NCKAP5: variants seen among roughly 807,000 people sequenced by gnomAD.
NCKAP5 encodes the protein NCK associated protein 5.
Under a neutral mutation model 167.0 loss-of-function variants are expected in NCKAP5, and 92 were observed. That is an observed-to-expected ratio of 0.55 (90% CI 0.47 to 0.66). The LOEUF (loss-of-function observed/expected upper bound fraction) is 0.66. Ranked by LOEUF, NCKAP5 falls within the 30% of genes least tolerant of loss-of-function variation. The probability of loss-of-function intolerance (pLI) is 0.00; values close to 1 mark genes in which losing one functional copy is unlikely to be tolerated. For missense variants in NCKAP5, 2,378 were observed against 2,315.0 expected, an observed-to-expected ratio of 1.03 and a Z score of -0.56; for synonymous variants, 891 against 877.4, an observed-to-expected ratio of 1.02 and a Z score of -0.27.
chr2:133,545,313 T>C (rs1279185736), intron 2 of NCKAP5, among the ~76,000 whole-genome samples: 1 of 152,150 alleles, frequency 6.6e-6, no homozygotes, highest in Non-Finnish European at 1.5e-5. Context: ...AACAGCCAAG[T>C]TGGGTGACCA....
At chr2:133,553,259 C>T (rs755640547) in intron 2 of NCKAP5, among the ~76,000 whole-genome samples, 1 of 152,198 alleles carries the variant, frequency 6.6e-6, no homozygotes, top group Non-Finnish European at 1.5e-5. Context: ...GTAAATCGCA[C>T]TGGGCGCTCT....
chr2:133,241,691 AG>A (rs1380073424), intron 4 of NCKAP5, among the ~76,000 whole-genome samples: 2 of 152,168 alleles, frequency 1.3e-5, no homozygotes, highest in African/African-American at 2.4e-5. Flanking sequence ...TGGCATCTGC[AG>A]GGGGACAAGC....
At chr2:133,310,635 C>A (rs1681166318) in intron 3 of NCKAP5, among the ~76,000 whole-genome samples, 1 of 152,202 alleles carries the variant, frequency 6.6e-6, no homozygotes, top group Admixed American at 6.5e-5. Flanking sequence ...GTGAGTCTGG[C>A]TATTTCCCAA....
At chr2:133,500,996 T>C (rs570787902) in intron 3 of NCKAP5, among the ~76,000 whole-genome samples, 1 of 152,326 alleles carries the variant, frequency 6.6e-6, no homozygotes, top group African/African-American at 2.4e-5. Context: ...CCTTCTTCGT[T>C]AGTATTCCCT....
At chr2:133,508,299 T>C (rs1683195870) in intron 3 of NCKAP5, among the ~76,000 whole-genome samples, 1 of 152,198 alleles carries the variant, frequency 6.6e-6, no homozygotes, top group Admixed American at 6.5e-5. Context: ...GACCAATTTA[T>C]TGGAGGAAGA....
At chr2:132,756,108 C>A (rs897735809) in intron 16 of NCKAP5, among the ~76,000 whole-genome samples, 2 of 152,082 alleles carry the variant, frequency 1.3e-5, no homozygotes, top group East Asian at 1.9e-4. Context: ...ACCATAGCAC[C>A]CAGGCTGTGA....
the NCKAP5 span, among the ~76,000 whole-genome samples, chr2:133,640,131 G>A: frequency 6.6e-6 from 1 of 152,274 alleles, no homozygotes; most frequent in African/African-American, 2.4e-5. Context: ...TTGTACCATT[G>A]GATATTTGAA....
At chr2:132,922,165 G>A (rs2149009528) in intron 8 of NCKAP5, among the ~76,000 whole-genome samples, 1 of 152,270 alleles carries the variant, frequency 6.6e-6, no homozygotes, top group African/African-American at 2.4e-5. Flanking sequence ...GTGTGAGTTA[G>A]GTTTTCTGCC....
chr2:133,158,540 C>T (rs1038433717), intron 5 of NCKAP5, among the ~76,000 whole-genome samples: 3 of 152,086 alleles, frequency 2.0e-5, no homozygotes, highest in Non-Finnish European at 2.9e-5. Context: ...TAAGGGGCTA[C>T]CTACTCTAAG....
At chr2:133,088,171 T>C (rs1277917709) in intron 6 of NCKAP5, among the ~76,000 whole-genome samples, 2 of 152,222 alleles carry the variant, frequency 1.3e-5, no homozygotes, top group Non-Finnish European at 2.9e-5. Context: ...ACCGATCTGA[T>C]GTGTAAGAAT....
the NCKAP5 span, among the ~76,000 whole-genome samples, chr2:133,615,603 A>C: frequency 8.1e-4 from 123 of 152,376 alleles, no homozygotes; most frequent in African/African-American, 2.9e-3. Flanking sequence ...AGAGCTAACT[A>C]TCCTAAATAT....
intron 6 of NCKAP5, among the ~76,000 whole-genome samples, chr2:133,127,100 C>A (rs2082427924): frequency 6.6e-6 from 1 of 152,098 alleles, no homozygotes; most frequent in South Asian, 2.1e-4. Context: ...TCTAATTCAA[C>A]AGAATAATTT....
At chr2:132,971,337 C>A (rs1255906992) in intron 7 of NCKAP5, among the ~76,000 whole-genome samples, 1 of 152,062 alleles carries the variant, frequency 6.6e-6, no homozygotes, top group African/African-American at 2.4e-5. Flanking sequence ...GAGGGGAGGG[C>A]AACTGAGAAG....
At chr2:133,326,409 A>G (rs6724865) in intron 3 of NCKAP5, among the ~76,000 whole-genome samples, 45,413 of 148,000 alleles carry the variant, frequency 0.31, 7,373 homozygotes, top group African/African-American at 0.41. Flanking sequence ...AGCCGAGTTC[A>G]CACCACTACT....
the NCKAP5 span, among the ~76,000 whole-genome samples, chr2:133,596,775 A>G: frequency 8.0e-6 from 1 of 124,604 alleles, no homozygotes. Context: ...TGTTATGAAA[A>G]ATAAACACAT....
chr2:133,318,040 C>G (rs1245781898), intron 3 of NCKAP5, among the ~76,000 whole-genome samples: 3 of 152,168 alleles, frequency 2.0e-5, no homozygotes, highest in Non-Finnish European at 4.4e-5. Flanking sequence ...AAAAGGGAAA[C>G]AGTGGGAAAA....
chr2:133,071,079 A>T (rs1185281298), intron 6 of NCKAP5, among the ~76,000 whole-genome samples: 1 of 152,200 alleles, frequency 6.6e-6, no homozygotes, highest in Non-Finnish European at 1.5e-5. Context: ...AATAAAGACA[A>T]AAGGTGACAC....
chr2:132,823,660 T>G (rs1479863840), intron 11 of NCKAP5, among the ~76,000 whole-genome samples: 2 of 151,850 alleles, frequency 1.3e-5, no homozygotes, highest in East Asian at 3.9e-4. Flanking sequence ...AAACCCAAGG[T>G]ATTAAGGCGA....
the NCKAP5 span, among the ~76,000 whole-genome samples, chr2:133,657,352 C>G: frequency 6.6e-6 from 1 of 152,218 alleles, no homozygotes. Context: ...ACCATTGAAA[C>G]TCGTTTAACA....
Sources: gnomAD v4.1 joint callset for allele counts (sites outside exome capture counted in the v4.1 genomes callset) on GRCh38, gnomAD v4.1.1 for gene constraint, MANE v1.5 for transcripts, NCBI Gene and HGNC (gene_info 2026-07-23, HGNC 2026-07-21) for gene names.